Variants in CFAP61 observed in about 807,000 individuals in gnomAD.
CFAP61 encodes the protein cilia- and flagella-associated protein 61.
In CFAP61, 107 loss-of-function variants were observed where a neutral mutation model predicts 135.6. That is an observed-to-expected ratio of 0.79 (90% CI 0.67 to 0.93). The LOEUF is 0.93. Among genes scored for constraint, CFAP61 ranks in the 40% least tolerant of loss-of-function variants. The pLI is 0.00. For missense variants in CFAP61, 1,507 were observed against 1,556.2 expected (o/e 0.97, Z 0.53); for synonymous variants, 575 against 578.5 (o/e 0.99, Z 0.09).
At chr20:20,303,927 T>C (rs2056266022) in intron 25 of CFAP61, among the ~76,000 whole-genome samples, 1 of 152,160 alleles carries the variant, frequency 6.6e-6, no homozygotes, top group African/African-American at 2.4e-5. Flanking sequence ...CCCTATCTAT[T>C]CTCACTCCAT....
chr20:20,056,030 C>T (rs778526045), intron 1 of CFAP61: 1 of 1,587,676 alleles, frequency 6.3e-7, no homozygotes, highest in Non-Finnish European at 8.6e-7. Flanking sequence ...ATTCTCTTCC[C>T]AAAGAGTGTC....
At chr20:20,350,173 C>A (rs1021748902) in intron 26 of CFAP61, among the ~76,000 whole-genome samples, 4 of 152,044 alleles carry the variant, frequency 2.6e-5, no homozygotes, top group African/African-American at 9.7e-5. Context: ...GGCTATAATA[C>A]AAAACAAGGG....
intron 20 of CFAP61, among the ~76,000 whole-genome samples, chr20:20,257,625 AAAC>A (rs773260140): frequency 0.011 from 1,373 of 129,434 alleles, 29 homozygotes; most frequent in African/African-American, 0.03. Context: ...AAAAACAAAA[AAAC>A]AAAAAAAAAA....
chr20:20,062,897 A>G (rs747647351), intron 2 of CFAP61, among the ~76,000 whole-genome samples: 1 of 152,228 alleles, frequency 6.6e-6, no homozygotes, highest in Non-Finnish European at 1.5e-5. Context: ...TATGGGATCA[A>G]GACTGTAGAG....
chr20:20,115,998 GT>G (rs2049114022), intron 8 of CFAP61, among the ~76,000 whole-genome samples: 2 of 152,068 alleles, frequency 1.3e-5, no homozygotes, highest in African/African-American at 2.4e-5. Flanking sequence ...TAGTTTTTTA[GT>G]TTTTTGAGGA....
intron 20 of CFAP61, among the ~76,000 whole-genome samples, chr20:20,256,586 A>G (rs1287361203): frequency 1.3e-5 from 2 of 152,226 alleles, no homozygotes; most frequent in African/African-American, 4.8e-5. Flanking sequence ...TGAAATCTCC[A>G]TCAGAGACAG....
rs1316951321 is a variant in CFAP61, at chr20:20,164,327, G to T, written c.1205+99G>T. On this transcript the variant is annotated intron_variant, in intron 11 of 26. Coordinates refer to ENST00000245957, the MANE Select transcript of CFAP61 (RefSeq NM_015585.4). ...TACAGAGCCAGTAATTTCCAAACCT[G>T]GCCCACATCCTAATCTCCTGGGGAA... The T allele has an allele frequency of 9.3e-6, 11 of 1,182,470 alleles. No individual in the cohort carries two copies. In the African/African-American group the frequency reaches 1.2e-4, roughly 13 times the overall value. 73.2% of individuals were successfully genotyped at this position (1,182,470 alleles called of 1,614,324 possible). A position where few individuals can be genotyped will look rare whatever the true frequency, so the allele number is the denominator to read the frequency against.
At chr20:20,212,026 T>G (rs966840049) in intron 17 of CFAP61, among the ~76,000 whole-genome samples, 2 of 152,248 alleles carry the variant, frequency 1.3e-5, no homozygotes. Context: ...AAAGATGGGC[T>G]GACAATGTCC....
chr20:20,251,673 C>T lies in CFAP61; in HGVS notation c.2238C>T (p.Gly746=). 1 of 1,614,234 alleles carries T rather than the reference C, an allele frequency of 6.2e-7. No homozygotes were observed. The highest frequency in any genetic ancestry group is 1.6e-4 in the Middle Eastern group (1 of 6,062). The change falls in exon 20 of 27, where the codon GGC becomes GGT. Residue 746 remains glycine (G), a synonymous_variant. Transcript: ENST00000245957. The stretch of plus-strand genomic sequence containing the variant: ...ATGTCGTGGTGGGTAGAATGACCGG[C>T]ATAGACCGAGCAGCCAAGCACGTTG... The part of the protein sequence containing the change: ...WVNVVVGRMT[G]IDRAAKHVVL...
chr20:20,343,135 G>T (rs1021858830), intron 26 of CFAP61, among the ~76,000 whole-genome samples: 1 of 152,196 alleles, frequency 6.6e-6, no homozygotes, highest in African/African-American at 2.4e-5. Context: ...GGGATTACAG[G>T]CGTGAGCCAT....
At chr20:20,213,404 C>T (rs758132940) in intron 17 of CFAP61, among the ~76,000 whole-genome samples, 9 of 152,008 alleles carry the variant, frequency 5.9e-5, no homozygotes, top group Admixed American at 2.6e-4. Context: ...TTTCTCAAAA[C>T]GGGAGGGGAA....
chr20:20,164,039 C>T lies in CFAP61; in HGVS notation c.1027-11C>T. The stretch of plus-strand genomic sequence containing the variant: ...GGATTCTCATTGGCTCCTCCTGTCT[C>T]CTTGCTCTAGGACATAGAAAAACTC... On this transcript the variant is annotated splice_polypyrimidine_tract_variant and intron_variant, in intron 10 of 26. Transcript: ENST00000245957. 1 of 1,590,006 alleles carries T rather than the reference C, an allele frequency of 6.3e-7. No homozygotes were observed. The highest frequency in any genetic ancestry group is 8.6e-7 in the Non-Finnish European group (1 of 1,166,266).
intron 2 of CFAP61, among the ~76,000 whole-genome samples, chr20:20,064,829 T>A (rs1196335779): frequency 6.6e-6 from 1 of 152,166 alleles, no homozygotes; most frequent in Non-Finnish European, 1.5e-5. Flanking sequence ...CCTAACAAGA[T>A]TATTTGTCAA....
intron 10 of CFAP61, among the ~76,000 whole-genome samples, chr20:20,160,230 T>G (rs1446335848): frequency 6.6e-6 from 1 of 152,170 alleles, no homozygotes; most frequent in African/African-American, 2.4e-5. Flanking sequence ...CAAGAGCCTC[T>G]TGGTGATGGA....
At chr20:20,174,229 T>A (rs114124331) in intron 13 of CFAP61, among the ~76,000 whole-genome samples, 1,723 of 152,322 alleles carry the variant, frequency 0.011, 22 homozygotes, top group African/African-American at 0.034. Flanking sequence ...TGAGCCCTCA[T>A]CAGGAACCCT....
intron 21 of CFAP61, among the ~76,000 whole-genome samples, chr20:20,271,361 C>G (rs2053330856): frequency 1.3e-5 from 2 of 152,254 alleles, no homozygotes; most frequent in South Asian, 4.1e-4. Flanking sequence ...TTGGCAAGTG[C>G]TAGTTCCCTT....
chr20:20,132,314 T>C (rs2050596729), intron 8 of CFAP61, among the ~76,000 whole-genome samples: 1 of 152,154 alleles, frequency 6.6e-6, no homozygotes, highest in Non-Finnish European at 1.5e-5. Context: ...CCACATTTTC[T>C]TTATCCATCC....
At chr20:20,086,970 A>G (rs140550291) in intron 6 of CFAP61, among the ~76,000 whole-genome samples, 1 of 152,244 alleles carries the variant, frequency 6.6e-6, no homozygotes, top group Non-Finnish European at 1.5e-5. Flanking sequence ...AGCACTGGCT[A>G]GAAATAGAGG....
chr20:20,232,433 G>C (rs746811685), intron 18 of CFAP61, among the ~76,000 whole-genome samples: 1 of 152,042 alleles, frequency 6.6e-6, no homozygotes, highest in Non-Finnish European at 1.5e-5. Context: ...CCAGGTGTAT[G>C]CACCTCTCTT....
Sources: gnomAD v4.1 joint callset for allele counts (sites outside exome capture counted in the v4.1 genomes callset) on GRCh38, gnomAD v4.1.1 for gene constraint, MANE v1.5 for transcripts, NCBI Gene and HGNC (gene_info 2026-07-23, HGNC 2026-07-21) for gene names.